The following EYA2 variants were observed in gnomAD, a reference collection of about 807,000 sequenced individuals.
EYA2 encodes the protein protein phosphatase EYA2.
EYA2 carries 31 observed loss-of-function variants against 69.2 expected under a neutral mutation model. The observed-to-expected ratio is 0.45, with a 90% confidence interval of 0.34 to 0.60. EYA2 has a LOEUF of 0.60. Ranked by LOEUF, EYA2 falls within the 20% of genes least tolerant of loss-of-function variation. The pLI is 0.02. For missense variants in EYA2, 622 were observed against 701.2 expected (o/e 0.89, Z 1.28); for synonymous variants, 257 against 279.4 (o/e 0.92, Z 0.80).
intron 4 of EYA2, among the ~76,000 whole-genome samples, chr20:47,011,445 T>A (rs1983051556): frequency 6.6e-6 from 1 of 152,162 alleles, no homozygotes; most frequent in Admixed American, 6.5e-5. Flanking sequence ...CCAAAGGTTT[T>A]CCACTGCAGT....
At chr20:46,923,817 C>T (rs1307357475) in intron 1 of EYA2, among the ~76,000 whole-genome samples, 4 of 152,126 alleles carry the variant, frequency 2.6e-5, no homozygotes, top group African/African-American at 9.7e-5. Flanking sequence ...CATAGGTCAG[C>T]CTCTCTCCAA....
At chr20:47,127,763 G>A (rs544049084) in intron 9 of EYA2, among the ~76,000 whole-genome samples, 112 of 152,262 alleles carry the variant, frequency 7.4e-4, no homozygotes, top group African/African-American at 2.6e-3. Flanking sequence ...CCTGGGACTG[G>A]GTTGAGTCCA....
chr20:46,953,386 G>C (rs3091547), intron 1 of EYA2, among the ~76,000 whole-genome samples: 3,042 of 152,272 alleles, frequency 0.02, 118 homozygotes, highest in African/African-American at 0.07. Flanking sequence ...AAATCTTGGG[G>C]AATGGTTATG....
At chr20:47,125,066 T>C (rs2033147605) in intron 9 of EYA2, among the ~76,000 whole-genome samples, 1 of 143,936 alleles carries the variant, frequency 6.9e-6, no homozygotes, top group African/African-American at 2.7e-5. Context: ...TTTTTTTTTT[T>C]TTTTTGAGAC....
chr20:46,996,570 C>T (rs1306858313), intron 2 of EYA2, among the ~76,000 whole-genome samples: 2 of 152,148 alleles, frequency 1.3e-5, no homozygotes, highest in African/African-American at 4.8e-5. Context: ...GTTATAATTG[C>T]AGTTAAGTAC....
At chr20:47,114,038 G>A (rs1335748327) in intron 9 of EYA2, among the ~76,000 whole-genome samples, 1 of 152,014 alleles carries the variant, frequency 6.6e-6, no homozygotes, top group Non-Finnish European at 1.5e-5. Context: ...CATGACTCTT[G>A]GACTCATGAG....
At chr20:47,040,686 AAC>A (rs1263486224) in intron 5 of EYA2, among the ~76,000 whole-genome samples, 3 of 152,224 alleles carry the variant, frequency 2.0e-5, no homozygotes, top group African/African-American at 7.2e-5. Context: ...TAGGGACTGA[AAC>A]ACAGAGACAT....
intron 5 of EYA2, among the ~76,000 whole-genome samples, chr20:47,066,557 C>T (rs2031115374): frequency 6.6e-6 from 1 of 152,176 alleles, no homozygotes; most frequent in African/African-American, 2.4e-5. Context: ...TCCTCATGTC[C>T]TGTTGCTCAG....
intron 9 of EYA2, among the ~76,000 whole-genome samples, chr20:47,133,098 C>G (rs1354288366): frequency 6.6e-6 from 1 of 152,132 alleles, no homozygotes; most frequent in African/African-American, 2.4e-5. Flanking sequence ...GTTCATGTCA[C>G]CAAGATGTCC....
chr20:47,001,812 T>G (rs2060373390), intron 3 of EYA2, among the ~76,000 whole-genome samples: 1 of 152,002 alleles, frequency 6.6e-6, no homozygotes, highest in Admixed American at 6.6e-5. Context: ...ATTCTTTTCT[T>G]TCTCCCCTTC....
chr20:46,989,904 C>T, intron 1 of EYA2, 97 bp from the exon 2 acceptor site: 1 of 596,356 alleles, frequency 1.7e-6, no homozygotes, highest in East Asian at 2.7e-5. Context: ...TTTAGGTAAT[C>T]AGTTGTAATA....
At chr20:46,936,450 G>A (rs140335057) in intron 1 of EYA2, among the ~76,000 whole-genome samples, 109 of 152,254 alleles carry the variant, frequency 7.2e-4, no homozygotes, top group African/African-American at 2.4e-3. Flanking sequence ...CAGCTTGGGT[G>A]ACAGAGCAAG....
At chr20:47,138,956 T>C (rs2033536852) in intron 9 of EYA2, among the ~76,000 whole-genome samples, 2 of 152,262 alleles carry the variant, frequency 1.3e-5, no homozygotes, top group South Asian at 4.2e-4. Context: ...TAACATACAG[T>C]ACATAGTACA....
intron 1 of EYA2, among the ~76,000 whole-genome samples, chr20:46,969,091 A>G (rs1979971232): frequency 6.6e-6 from 1 of 152,186 alleles, no homozygotes; most frequent in African/African-American, 2.4e-5. Flanking sequence ...TTTTACCAGC[A>G]AAAGAGAATT....
intron 5 of EYA2, among the ~76,000 whole-genome samples, chr20:47,054,171 G>A (rs1289224436): frequency 1.3e-5 from 2 of 152,136 alleles, no homozygotes; most frequent in Non-Finnish European, 2.9e-5. Flanking sequence ...AATGGACGGG[G>A]TTTGTTCATG....
At chr20:46,921,011 G>A (rs1388510756) in intron 1 of EYA2, among the ~76,000 whole-genome samples, 1 of 152,218 alleles carries the variant, frequency 6.6e-6, no homozygotes, top group African/African-American at 2.4e-5. Context: ...TGAGCGAGGT[G>A]TCACCTCTGA....
chr20:46,972,976 A>G (rs1980227498), intron 1 of EYA2, among the ~76,000 whole-genome samples: 1 of 152,252 alleles, frequency 6.6e-6, no homozygotes, highest in South Asian at 2.1e-4. Context: ...GAATTGATTC[A>G]GGCCACAAAC....
At chr20:46,965,689 C>T (rs915960922) in intron 1 of EYA2, among the ~76,000 whole-genome samples, 19 of 152,252 alleles carry the variant, frequency 1.2e-4, no homozygotes, top group African/African-American at 4.1e-4. Flanking sequence ...GCCTCCTAGA[C>T]GCTCTGAGTC....
chr20:47,187,587 T>A (rs901886965), intron 15 of EYA2, among the ~76,000 whole-genome samples: 2 of 152,156 alleles, frequency 1.3e-5, no homozygotes, highest in African/African-American at 4.8e-5. Flanking sequence ...GTGACTTTCT[T>A]CTTGAAGTAA....
Sources: gnomAD v4.1 joint callset for allele counts (sites outside exome capture counted in the v4.1 genomes callset) on GRCh38, gnomAD v4.1.1 for gene constraint, MANE v1.5 for transcripts, NCBI Gene and HGNC (gene_info 2026-07-23, HGNC 2026-07-21) for gene names.